FYN: variants seen among roughly 807,000 people sequenced by gnomAD.
FYN encodes the protein tyrosine-protein kinase Fyn.
FYN carries 10 observed loss-of-function variants against 70.2 expected under a neutral mutation model. The ratio of observed to expected loss-of-function variants is 0.14; its 90% CI spans 0.09 to 0.24. FYN has a LOEUF of 0.24. Ranked by LOEUF, FYN falls within the 10% of genes least tolerant of loss-of-function variation. The probability of loss-of-function intolerance (pLI) is 1.00; values close to 1 mark genes in which losing one functional copy is unlikely to be tolerated. For missense variants in FYN, 319 were observed against 673.1 expected (o/e 0.47, Z 5.82); for synonymous variants, 236 against 248.6 (o/e 0.95, Z 0.48).
intron 13 of FYN, among the ~76,000 whole-genome samples, chr6:111,662,428 CTTTT>C (rs1797790209): frequency 6.6e-6 from 1 of 152,190 alleles, no homozygotes; most frequent in Non-Finnish European, 1.5e-5. Context: ...CTGTCTTCTT[CTTTT>C]TAACAACCCT....
At chr6:111,728,210 C>T (rs572865401) in intron 3 of FYN, among the ~76,000 whole-genome samples, 3 of 152,166 alleles carry the variant, frequency 2.0e-5, no homozygotes, top group African/African-American at 7.2e-5. Flanking sequence ...ATGTTTTAAC[C>T]CCATCTATGC....
rs1226748390 is a variant in FYN at position 111,682,903 on chromosome 6, C to A, written c.1274-8273G>T. On this transcript the variant is annotated intron_variant, in intron 12 of 13. Transcript: ENST00000354650. ...CTGGTAATAGCTGAATAAATACCAGCTGTTATTTTATTCAGATAGTAAAGG... is the reference window on the plus strand; with the variant it reads ...CTGGTAATAGCTGAATAAATACCAGATGTTATTTTATTCAGATAGTAAAGG... Among the ~76,000 whole-genome samples, 3 of 152,306 alleles carry A rather than the reference C, an allele frequency of 2.0e-5. No individual in the cohort carries two copies. The East Asian group carries it at 5.8e-4, about 29-fold the overall frequency.
At chr6:111,673,160 C>T (rs1363434052) in intron 13 of FYN, among the ~76,000 whole-genome samples, 3 of 152,130 alleles carry the variant, frequency 2.0e-5, no homozygotes, top group Non-Finnish European at 4.4e-5. Flanking sequence ...TCCTGAGACC[C>T]GCACATTTCC....
Position 111,674,494 on chromosome 6 carries a change from C to G in FYN, c.1405+5G>C. 6.2e-7 allele frequency: 1 copy of G among 1,611,302 alleles called. No homozygotes were observed. The highest frequency in any genetic ancestry group is 1.1e-5 in the South Asian group (1 of 90,556). ...AGGCCCATGTCTGTGAGGCCCTGCT[C>G]TTACCTGGGTATGGCACTCTTCCTT... On this transcript the variant is annotated splice_donor_5th_base_variant and intron_variant, in intron 13 of 13. Coordinates refer to ENST00000354650, the MANE Select transcript of FYN (RefSeq NM_002037.5).
chr6:111,692,111 C>T (rs963733028), intron 12 of FYN, among the ~76,000 whole-genome samples: 1 of 149,948 alleles, frequency 6.7e-6, no homozygotes, highest in African/African-American at 2.4e-5. Flanking sequence ...TCCCCCCCCC[C>T]CAGTTCAGCT....
At chr6:111,704,168 C>CTT in intron 6 of FYN, 66 bp from the exon 7 acceptor site, 2 of 1,336,366 alleles carry the variant, frequency 1.5e-6, no homozygotes, top group Non-Finnish European at 2.1e-6. Flanking sequence ...ACAGCATAGG[C>CTT]TTTTTTTTTG....
intron 13 of FYN, 55 bp downstream of exon 13, chr6:111,674,444 T>C: frequency 6.4e-7 from 1 of 1,556,096 alleles, no homozygotes; most frequent in South Asian, 1.2e-5. Flanking sequence ...TTTTCCCAAA[T>C]GGTGTCAAAA....
intron 2 of FYN, among the ~76,000 whole-genome samples, chr6:111,831,391 T>C (rs1035457484): frequency 6.6e-6 from 1 of 152,194 alleles, no homozygotes; most frequent in Non-Finnish European, 1.5e-5. Flanking sequence ...TCAAATATTT[T>C]ACATGTAAAA....
At position 111,799,765 on chromosome 6, in the gene FYN, C is replaced by T. The variant is rs1303068950; in HGVS notation, c.-81-19130G>A. On this transcript the variant is annotated intron_variant, in intron 2 of 13. Coordinates refer to ENST00000354650, the MANE Select transcript of FYN (RefSeq NM_002037.5). ...TTCAGGTGAATGGACATCTCCACTG[C>T]CCCCTGTCTGTGAGGCTGTCACTTG... Among the ~76,000 whole-genome samples, 3 of 152,214 alleles carry T rather than the reference C, an allele frequency of 2.0e-5. No individual in the cohort carries two copies. The East Asian group carries it at 5.8e-4, about 29-fold the overall frequency.
Position 111,815,416 on chromosome 6 carries a change from CTTAA to C in FYN, c.-82+31169_-82+31172del, listed in dbSNP as rs546561430. Among the ~76,000 whole-genome samples the C allele has an allele frequency of 8.6e-4, 131 of 152,270 alleles. 3 individuals carry two copies. In the South Asian group the frequency reaches 0.019, roughly 22 times the overall value. On this transcript the variant is annotated intron_variant, in intron 2 of 13. Transcript: ENST00000354650. ...TTGTCTAAAATGTCTTTCAATTATA[CTTAA>C]TTTTCATTCCAATAAAAATTTATTA...
intron 1 of FYN, among the ~76,000 whole-genome samples, chr6:111,871,343 T>A (rs1774267426): frequency 6.6e-6 from 1 of 152,202 alleles, no homozygotes; most frequent in Admixed American, 6.5e-5. Flanking sequence ...TTCATCTGAA[T>A]ACAGGGTACC....
intron 3 of FYN, among the ~76,000 whole-genome samples, chr6:111,750,717 ATTT>A (rs71759856): frequency 2.3e-5 from 3 of 130,736 alleles, no homozygotes; most frequent in Admixed American, 7.6e-5. Flanking sequence ...AATTCATGTC[ATTT>A]TTTTTTTTTT....
intron 13 of FYN, among the ~76,000 whole-genome samples, chr6:111,669,880 C>A (rs145367012): frequency 1.3e-5 from 2 of 151,800 alleles, no homozygotes; most frequent in Non-Finnish European, 2.9e-5. Flanking sequence ...TACACACAAA[C>A]GGGGGGCCCA....
intron 12 of FYN, among the ~76,000 whole-genome samples, chr6:111,688,640 ATGCAGCG>A (rs1411427252): frequency 1.3e-5 from 2 of 151,574 alleles, no homozygotes; most frequent in African/African-American, 4.8e-5. Context: ...GTGTGTGCTC[ATGCAGCG>A]TGTGTGTGCT....
At chr6:111,751,622 TTC>T (rs1417118885) in intron 3 of FYN, among the ~76,000 whole-genome samples, 1 of 102,448 alleles carries the variant, frequency 9.8e-6, no homozygotes, top group Non-Finnish European at 1.8e-5. Flanking sequence ...TCCATTCAAA[TTC>T]TTTCTTTTTT....
In FYN at chr6:111,820,858, G is replaced by C. The variant is rs1014646196; in HGVS notation, c.-82+25731C>G. Among the ~76,000 whole-genome samples, 123 of 152,222 alleles carry C rather than the reference G, an allele frequency of 8.1e-4. 1 individual carries two copies. Among genetic ancestry groups the C allele is most frequent in the Admixed American group, 1.0e-3 (16 of 15,280 alleles). On this transcript the variant is annotated intron_variant, in intron 2 of 13. Coordinates refer to ENST00000354650, the MANE Select transcript of FYN (RefSeq NM_002037.5). The stretch of plus-strand genomic sequence containing the variant: ...GGTAAGGTAGACATCTATTTATGCA[G>C]ACCAGGGTCAGTAGCAGTAGCTATA...
intron 3 of FYN, among the ~76,000 whole-genome samples, chr6:111,754,968 G>GT (rs56205301): frequency 0.13 from 18,122 of 142,712 alleles, 1,388 homozygotes; most frequent in African/African-American, 0.23. Context: ...AATTTAAGCT[G>GT]TTTTTTTTTT....
At chr6:111,828,949 G>A (rs1772924329) in intron 2 of FYN, among the ~76,000 whole-genome samples, 1 of 152,160 alleles carries the variant, frequency 6.6e-6, no homozygotes, top group African/African-American at 2.4e-5. Context: ...CTTTGCAGTA[G>A]GACTTCTCAG....
At chr6:111,665,430 A>G (rs1175712806) in intron 13 of FYN, among the ~76,000 whole-genome samples, 1 of 152,034 alleles carries the variant, frequency 6.6e-6, no homozygotes, top group Non-Finnish European at 1.5e-5. Flanking sequence ...ATGGTTTCAT[A>G]TTTTTGTTAG....
Sources: allele counts gnomAD v4.1 joint callset (sites outside exome capture counted in the v4.1 genomes callset), GRCh38; gene constraint gnomAD v4.1.1; transcripts MANE v1.5; gene names NCBI Gene and HGNC (gene_info 2026-07-23, HGNC 2026-07-21).